DGKI: variants seen among roughly 807,000 people sequenced by gnomAD.
The protein encoded by DGKI is diacylglycerol kinase iota, also known as DAG kinase iota.
A neutral mutation model predicts 147.5 loss-of-function variants in DGKI; 55 were observed. That is an observed-to-expected ratio of 0.37 (90% CI 0.30 to 0.47). The LOEUF (loss-of-function observed/expected upper bound fraction) is 0.47, where lower values mean the gene tolerates loss of function less well. DGKI is among the 20% of genes least tolerant of loss of function. The pLI is 1.00. For missense variants in DGKI, 1,007 were observed against 1,323.8 expected (o/e 0.76, Z 3.71); for synonymous variants, 469 against 477.1 (o/e 0.98, Z 0.22).
intron 1 of DGKI, among the ~76,000 whole-genome samples, chr7:137,799,010 T>C (rs1038399527): frequency 2.0e-5 from 3 of 152,164 alleles, no homozygotes; most frequent in African/African-American, 7.2e-5. Context: ...GTCCTCAACC[T>C]AATAAAGGAC....
intron 6 of DGKI, among the ~76,000 whole-genome samples, chr7:137,625,512 C>G (rs1415948763): frequency 6.6e-6 from 1 of 151,910 alleles, no homozygotes; most frequent in African/African-American, 2.4e-5. Context: ...AGGCTGCTTG[C>G]AAGGTTGGCC....
chr7:137,728,654 T>A (rs1239393893), intron 1 of DGKI, among the ~76,000 whole-genome samples: 1 of 152,144 alleles, frequency 6.6e-6, no homozygotes, highest in South Asian at 2.1e-4. Context: ...CAGGCCTCCA[T>A]CTGCCATCAT....
At chr7:137,659,176 T>C (rs776618278) in intron 3 of DGKI, among the ~76,000 whole-genome samples, 4 of 152,200 alleles carry the variant, frequency 2.6e-5, no homozygotes, top group Non-Finnish European at 2.9e-5. Flanking sequence ...ATTTCCTAAA[T>C]GGCAGCTTCT....
chr7:137,554,907 CTATT>C (rs1238319913), intron 19 of DGKI, among the ~76,000 whole-genome samples: 1 of 147,100 alleles, frequency 6.8e-6, no homozygotes, highest in East Asian at 2.0e-4. Flanking sequence ...AAACATAAAA[CTATT>C]TTCTTTTTTT....
At chr7:137,566,331 T>A (rs1818583923) in intron 19 of DGKI, among the ~76,000 whole-genome samples, 1 of 152,112 alleles carries the variant, frequency 6.6e-6, no homozygotes, top group African/African-American at 2.4e-5. Flanking sequence ...AAATGTGAAA[T>A]TGAAGACTGC....
chr7:137,637,455 A>C (rs1407410012), intron 6 of DGKI, among the ~76,000 whole-genome samples: 1 of 152,248 alleles, frequency 6.6e-6, no homozygotes, highest in Non-Finnish European at 1.5e-5. Flanking sequence ...TGTTTAAACC[A>C]AAATTGCTTT....
intron 1 of DGKI, among the ~76,000 whole-genome samples, chr7:137,836,829 T>G (rs1381123239): frequency 6.6e-6 from 1 of 152,206 alleles, no homozygotes; most frequent in African/African-American, 2.4e-5. Flanking sequence ...ATAAAAAGAA[T>G]GTTCATCCAC....
At chr7:137,434,242 C>T (rs948358660) in intron 28 of DGKI, among the ~76,000 whole-genome samples, 1 of 152,036 alleles carries the variant, frequency 6.6e-6, no homozygotes, top group Admixed American at 6.6e-5. Context: ...ATTCTATAAC[C>T]CCAAAAGCAA....
chr7:137,383,725 C>G lies in DGKI; in HGVS notation c.*7495G>C, dbSNP rs916013590. 1 of 151,930 alleles carries G rather than the reference C, an allele frequency of 6.6e-6. No individual in the cohort carries two copies. Among genetic ancestry groups the G allele is most frequent in the Non-Finnish European group, 1.5e-5 (1 of 67,904 alleles). The allele number at this position is 151,930 out of a possible 1,614,324, so 9.4% of individuals were successfully genotyped here. On this transcript the variant is annotated 3_prime_UTR_variant, in exon 33 of 33. Transcript: ENST00000614521. The stretch of plus-strand genomic sequence containing the variant: ...TCCTTATAAGTAATAAAGCTAACTC[C>G]TTTTCATGTGTTACTGCTCTTTTCT...
intron 21 of DGKI, chr7:137,493,875 T>C: frequency 1.5e-6 from 1 of 660,914 alleles, no homozygotes; most frequent in South Asian, 1.6e-5. Flanking sequence ...TGGACAGGAA[T>C]GAAGATCATC....
chr7:137,582,757 C>G (rs898040960), intron 14 of DGKI, among the ~76,000 whole-genome samples: 1 of 152,034 alleles, frequency 6.6e-6, no homozygotes, highest in African/African-American at 2.4e-5. Context: ...AACTGCAAAA[C>G]TAATGTGATT....
chr7:137,700,784 A>G (rs1275024444), intron 1 of DGKI, among the ~76,000 whole-genome samples: 1 of 152,160 alleles, frequency 6.6e-6, no homozygotes, highest in East Asian at 1.9e-4. Flanking sequence ...AGGCTGAGGC[A>G]GGAGAATTGC....
chr7:137,583,589 C>T (rs1819281594), intron 14 of DGKI, among the ~76,000 whole-genome samples: 1 of 152,174 alleles, frequency 6.6e-6, no homozygotes, highest in African/African-American at 2.4e-5. Flanking sequence ...TCTTTAAAAA[C>T]CCATTTTAAA....
At chr7:137,580,884 G>T (rs965472806) in intron 15 of DGKI, among the ~76,000 whole-genome samples, 3 of 152,028 alleles carry the variant, frequency 2.0e-5, no homozygotes, top group Admixed American at 6.6e-5. Context: ...AAAAAGTAAA[G>T]TACTTCTCAT....
intron 1 of DGKI, among the ~76,000 whole-genome samples, chr7:137,803,150 G>A (rs575651870): frequency 6.6e-6 from 1 of 152,140 alleles, no homozygotes; most frequent in South Asian, 2.1e-4. Context: ...TTCTACATTT[G>A]GAGAGAAGGG....
At chr7:137,508,237 T>C (rs1311674280) in intron 21 of DGKI, among the ~76,000 whole-genome samples, 3 of 143,018 alleles carry the variant, frequency 2.1e-5, no homozygotes, top group African/African-American at 7.9e-5. Flanking sequence ...TTTTTTTTTT[T>C]TTTTTTTTGA....
chr7:137,515,884 G>A (rs796481855), intron 21 of DGKI, among the ~76,000 whole-genome samples: 3 of 151,970 alleles, frequency 2.0e-5, no homozygotes, highest in Non-Finnish European at 2.9e-5. Context: ...CAAGAGATGG[G>A]AAAAGACAGT....
chr7:137,676,742 T>C (rs1823051076), intron 3 of DGKI, among the ~76,000 whole-genome samples: 1 of 152,222 alleles, frequency 6.6e-6, no homozygotes, highest in South Asian at 2.1e-4. Flanking sequence ...ATTCTCCTTG[T>C]TGCTTTTCCT....
intron 27 of DGKI, among the ~76,000 whole-genome samples, chr7:137,462,940 C>G (rs555344892): frequency 6.6e-6 from 1 of 152,204 alleles, no homozygotes; most frequent in East Asian, 1.9e-4. Flanking sequence ...AGCACACATA[C>G]TGTTCTGATC....
Sources: gnomAD v4.1 joint callset for allele counts (sites outside exome capture counted in the v4.1 genomes callset) on GRCh38, gnomAD v4.1.1 for gene constraint, MANE v1.5 for transcripts, NCBI Gene and HGNC (gene_info 2026-07-23, HGNC 2026-07-21) for gene names.